The following EIPR1 variants were observed in gnomAD, a reference collection of about 807,000 sequenced individuals.
EIPR1 encodes EARP and GARP complex-interacting protein 1.
A neutral mutation model predicts 48.1 loss-of-function variants in EIPR1; 25 were observed. The ratio of observed to expected loss-of-function variants is 0.52; its 90% CI spans 0.38 to 0.73. The LOEUF is 0.73. Among genes scored for constraint, EIPR1 ranks in the 30% least tolerant of loss-of-function variants. The pLI is 0.00. For missense variants in EIPR1, 415 were observed against 506.2 expected (o/e 0.82, Z 1.73); for synonymous variants, 204 against 201.9 (o/e 1.01, Z -0.09).
chr2:3,194,542 T>C (rs549998936), intron 6 of EIPR1, among the ~76,000 whole-genome samples: 1 of 152,220 alleles, frequency 6.6e-6, no homozygotes, highest in East Asian at 1.9e-4. Flanking sequence ...CCTGACACAT[T>C]TCTGGAAGGA....
intron 3 of EIPR1, among the ~76,000 whole-genome samples, chr2:3,296,187 C>A (rs1206100737): frequency 1.4e-5 from 2 of 143,084 alleles, no homozygotes; most frequent in Non-Finnish European, 3.0e-5. Flanking sequence ...CACACATACA[C>A]CCTCCATCCA....
At chr2:3,367,409 T>G (rs1479994169) in intron 1 of EIPR1, among the ~76,000 whole-genome samples, 2 of 152,228 alleles carry the variant, frequency 1.3e-5, no homozygotes, top group African/African-American at 4.8e-5. Context: ...AAGTCAACAC[T>G]GTAACAGCAC....
At chr2:3,341,155 G>A (rs371777477) in intron 2 of EIPR1, among the ~76,000 whole-genome samples, 1 of 146,448 alleles carries the variant, frequency 6.8e-6, no homozygotes, top group Non-Finnish European at 1.5e-5. Flanking sequence ...GGGTAAATCA[G>A]TTGTGGTATA....
intron 3 of EIPR1, among the ~76,000 whole-genome samples, chr2:3,310,652 CAAAAAAAAA>C (rs751422009): frequency 7.2e-5 from 4 of 55,296 alleles, no homozygotes; most frequent in East Asian, 4.0e-4. Flanking sequence ...GACTCCGTCT[CAAAAAAAAA>C]AAAAAAAAAA....
intron 4 of EIPR1, among the ~76,000 whole-genome samples, chr2:3,242,014 T>C (rs1342515153): frequency 6.6e-6 from 1 of 152,052 alleles, no homozygotes; most frequent in East Asian, 1.9e-4. Context: ...TGCAGATGCC[T>C]CCTAGCCCCG....
chr2:3,344,411 T>G (rs1433065013), intron 2 of EIPR1, among the ~76,000 whole-genome samples: 2 of 152,226 alleles, frequency 1.3e-5, no homozygotes, highest in African/African-American at 4.8e-5. Context: ...TCTACTCTAG[T>G]CGGCTTCACG....
chr2:3,199,033 G>T (rs1030120889), intron 5 of EIPR1, among the ~76,000 whole-genome samples: 2 of 100,916 alleles, frequency 2.0e-5, no homozygotes, highest in Admixed American at 2.9e-4. Context: ...GCATATGGCA[G>T]ACACCCCCAG....
chr2:3,196,281 G>A (rs924472915), intron 6 of EIPR1, among the ~76,000 whole-genome samples: 1 of 152,206 alleles, frequency 6.6e-6, no homozygotes, highest in Non-Finnish European at 1.5e-5. Flanking sequence ...GTGCTGAGGG[G>A]ATAAACTGTA....
rs145181074 is a variant in EIPR1, at chr2:3,242,696, TAAGA to T, written c.416+14599_416+14602del. Among the ~76,000 whole-genome samples the T allele has an allele frequency of 5.7e-3, 868 of 152,348 alleles. 6 individuals carry two copies. The highest frequency in any genetic ancestry group is 8.9e-3 in the Non-Finnish European group (604 of 68,030). Reference sequence around the variant, plus strand: ...TACTGTACTGAAGAAGGAGAAGCCTTAAGAAAGATATGTATCTATCCAATGATGG... The same window carrying T: ...TACTGTACTGAAGAAGGAGAAGCCTTAAGATATGTATCTATCCAATGATGG... On this transcript the variant is annotated intron_variant, in intron 4 of 8. Transcript: ENST00000382125.
chr2:3,319,922 AG>A (rs1669463144), intron 3 of EIPR1: 1 of 104,690 alleles, frequency 9.6e-6, no homozygotes, highest in Non-Finnish European at 2.0e-5. Flanking sequence ...ACCTGTGGGC[AG>A]GGCAATACTG....
chr2:3,201,997 C>T (rs575098962), intron 5 of EIPR1, among the ~76,000 whole-genome samples: 4 of 152,048 alleles, frequency 2.6e-5, no homozygotes, highest in East Asian at 1.9e-4. Flanking sequence ...AGTGCAGTGG[C>T]GCGATCTCGG....
chr2:3,371,817 G>T (rs1045916819), intron 1 of EIPR1, among the ~76,000 whole-genome samples: 1 of 152,154 alleles, frequency 6.6e-6, no homozygotes, highest in African/African-American at 2.4e-5. Context: ...ACATTAGACA[G>T]ATCAACGACA....
intron 2 of EIPR1, among the ~76,000 whole-genome samples, chr2:3,347,181 C>T (rs1180744931): frequency 6.6e-6 from 1 of 152,122 alleles, no homozygotes; most frequent in African/African-American, 2.4e-5. Flanking sequence ...CCTGCAGAAC[C>T]ATGAAACCTC....
chr2:3,339,195 G>T (rs866530202), intron 2 of EIPR1, among the ~76,000 whole-genome samples: 4 of 152,170 alleles, frequency 2.6e-5, no homozygotes, highest in Non-Finnish European at 4.4e-5. Flanking sequence ...AAATGTACGC[G>T]TGTCCAAATG....
intron 3 of EIPR1, among the ~76,000 whole-genome samples, chr2:3,266,234 T>A (rs1280531098): frequency 1.3e-5 from 2 of 152,162 alleles, no homozygotes; most frequent in African/African-American, 2.4e-5. Flanking sequence ...GATCCCCAGC[T>A]GGAGGAGGAG....
At chr2:3,318,879 G>A (rs1669401835) in intron 3 of EIPR1, 1 of 471,166 alleles carries the variant, frequency 2.1e-6, no homozygotes, top group Non-Finnish European at 4.4e-6. Flanking sequence ...CCCTGAAGAA[G>A]ACCTGGTGCA....
intron 3 of EIPR1, among the ~76,000 whole-genome samples, chr2:3,310,631 C>A (rs34619831): frequency 4.9e-4 from 62 of 126,600 alleles, no homozygotes; most frequent in African/African-American, 1.5e-3. Flanking sequence ...CCAGCCTGGG[C>A]GACAGAGCCA....
chr2:3,293,651 G>A (rs930878661), intron 3 of EIPR1, among the ~76,000 whole-genome samples: 8 of 152,182 alleles, frequency 5.3e-5, no homozygotes, highest in South Asian at 2.1e-4. Flanking sequence ...CAGTCCTCCC[G>A]GGTTTTCAGG....
chr2:3,235,964 AGAAAAGT>A (rs1423488338), intron 4 of EIPR1, among the ~76,000 whole-genome samples: 1 of 152,154 alleles, frequency 6.6e-6, no homozygotes, highest in Admixed American at 6.5e-5. Flanking sequence ...ACTTAGGTGG[AGAAAAGT>A]GGGTTTTGCC....
Sources: gnomAD v4.1 joint callset for allele counts (sites outside exome capture counted in the v4.1 genomes callset) on GRCh38, gnomAD v4.1.1 for gene constraint, MANE v1.5 for transcripts, NCBI Gene and HGNC (gene_info 2026-07-23, HGNC 2026-07-21) for gene names.